The following STK33 variants were observed in gnomAD, a reference collection of about 807,000 sequenced individuals.
STK33 encodes the protein serine/threonine kinase 33.
Under a neutral mutation model 58.0 loss-of-function variants are expected in STK33, and 52 were observed. The ratio of observed to expected loss-of-function variants is 0.90; its 90% CI spans 0.72 to 1.13. The LOEUF is 1.13. Among genes scored for constraint, STK33 ranks in the 50% most tolerant of loss-of-function variants. STK33 has a pLI of 0.00. For synonymous variants in STK33, 215 were observed against 200.1 expected (o/e 1.07, Z -0.63); for missense variants, 630 against 604.2 (o/e 1.04, Z -0.45).
At chr11:8,404,965 C>T (rs772770716) in intron 15 of STK33, among the ~76,000 whole-genome samples, 1 of 152,202 alleles carries the variant, frequency 6.6e-6, no homozygotes, top group East Asian at 1.9e-4. Context: ...ACAGTAAAAC[C>T]CCATCTCTAT....
At chr11:8,517,163 T>C (rs910397496) in intron 1 of STK33, among the ~76,000 whole-genome samples, 2 of 152,176 alleles carry the variant, frequency 1.3e-5, no homozygotes, top group Admixed American at 6.5e-5. Flanking sequence ...CAGCAACATC[T>C]GCCATTCTGC....
At chr11:8,442,676 G>A (rs1270363905) in intron 11 of STK33, among the ~76,000 whole-genome samples, 2 of 152,128 alleles carry the variant, frequency 1.3e-5, no homozygotes, top group South Asian at 2.1e-4. Flanking sequence ...CCAACAGGGG[G>A]ATATGAACAG....
At chr11:8,375,075 T>A in the STK33 span, among the ~76,000 whole-genome samples, 7,434 of 152,322 alleles carry the variant, frequency 0.049, 244 homozygotes, top group Non-Finnish European at 0.07. Context: ...TCCTAAACAG[T>A]CTGGCAGCAC....
Position 8,474,960 on chromosome 11 carries a change from G to C in STK33, c.-55C>G, listed in dbSNP as rs1057274212. The stretch of plus-strand genomic sequence containing the variant: ...AAAAATGTTTCCACTGTTTGAGGAA[G>C]AAAACCAGGCCAAAAAGGATAAGGT... On this transcript the variant is annotated 5_prime_UTR_variant, in exon 5 of 16. Transcript: ENST00000687296. The C allele has an allele frequency of 4.8e-5, 72 of 1,495,538 alleles. 1 individual carries two copies. The highest frequency in any genetic ancestry group is 5.7e-5 in the Non-Finnish European group (64 of 1,115,124). The allele number at this position is 1,495,538 out of a possible 1,614,324, so 92.6% of individuals were successfully genotyped here. A position where few individuals can be genotyped will look rare whatever the true frequency, so the allele number is the denominator to read the frequency against.
chr11:8,445,632 G>C (rs1009865328), intron 11 of STK33, among the ~76,000 whole-genome samples: 3 of 129,806 alleles, frequency 2.3e-5, no homozygotes, highest in Admixed American at 7.1e-5. Context: ...CATCTATTGA[G>C]ATAATCATGT....
the STK33 span, among the ~76,000 whole-genome samples, chr11:8,335,733 C>T: frequency 6.6e-6 from 1 of 152,220 alleles, no homozygotes; most frequent in Non-Finnish European, 1.5e-5. Context: ...AATATTATTA[C>T]TGGGTTTATA....
chr11:8,365,814 G>C, the STK33 span, among the ~76,000 whole-genome samples: 3 of 151,900 alleles, frequency 2.0e-5, no homozygotes, highest in Non-Finnish European at 2.9e-5. Flanking sequence ...CTGGGCACCT[G>C]GCCAAGCCCC....
At chr11:8,368,782 TTACC>T in the STK33 span, among the ~76,000 whole-genome samples, 7 of 146,162 alleles carry the variant, frequency 4.8e-5, no homozygotes, top group African/African-American at 1.9e-4. Context: ...CCAAAATAAC[TTACC>T]GCATTTCCCC....
the STK33 span, among the ~76,000 whole-genome samples, chr11:8,370,761 C>T: frequency 2.0e-5 from 3 of 152,236 alleles, no homozygotes; most frequent in South Asian, 6.2e-4. Flanking sequence ...ACACCCTCAG[C>T]CACCCAAGGC....
chr11:8,499,451 G>A (rs1951334456), intron 1 of STK33, among the ~76,000 whole-genome samples: 1 of 152,156 alleles, frequency 6.6e-6, no homozygotes, highest in Non-Finnish European at 1.5e-5. Context: ...GGAGAAATAG[G>A]AGCGCTGTTA....
chr11:8,493,040 A>G (rs1165040738), intron 1 of STK33, among the ~76,000 whole-genome samples: 4 of 152,218 alleles, frequency 2.6e-5, no homozygotes, highest in Non-Finnish European at 4.4e-5. Flanking sequence ...TAAAAGAACT[A>G]GAGAAGCAAG....
chr11:8,335,950 G>C, the STK33 span, among the ~76,000 whole-genome samples: 1 of 152,162 alleles, frequency 6.6e-6, no homozygotes, highest in East Asian at 1.9e-4. Flanking sequence ...CAGCATGCTG[G>C]GTCTACAGAG....
At chr11:8,439,802 C>T (rs1944491906) in intron 12 of STK33, among the ~76,000 whole-genome samples, 2 of 146,786 alleles carry the variant, frequency 1.4e-5, no homozygotes, top group South Asian at 4.4e-4. Context: ...TGCCAAGATG[C>T]TCTGACACTT....
At chr11:8,394,974 C>A (rs926961154) in intron 15 of STK33, among the ~76,000 whole-genome samples, 1 of 152,102 alleles carries the variant, frequency 6.6e-6, no homozygotes, top group Non-Finnish European at 1.5e-5. Flanking sequence ...AGCTCTGCCC[C>A]CAAAGACAAC....
chr11:8,349,349 C>T, the STK33 span, among the ~76,000 whole-genome samples: 1 of 152,164 alleles, frequency 6.6e-6, no homozygotes, highest in Admixed American at 6.5e-5. Context: ...CCTTTGTGCC[C>T]TGAAGCCTTT....
the STK33 span, among the ~76,000 whole-genome samples, chr11:8,382,067 C>G: frequency 6.6e-6 from 1 of 152,140 alleles, no homozygotes; most frequent in Non-Finnish European, 1.5e-5. Context: ...TCGCCCCCAC[C>G]CCCACATCCT....
At chr11:8,380,743 C>A in the STK33 span, among the ~76,000 whole-genome samples, 7,237 of 152,052 alleles carry the variant, frequency 0.048, 250 homozygotes, top group Non-Finnish European at 0.065. Flanking sequence ...GGTATCTACC[C>A]AAAGGAAAAT....
chr11:8,492,861 G>A (rs1017659228), intron 1 of STK33, among the ~76,000 whole-genome samples: 5 of 152,258 alleles, frequency 3.3e-5, no homozygotes, highest in Non-Finnish European at 5.9e-5. Context: ...GGTAAATAAC[G>A]AAATGAAGGC....
At chr11:8,341,209 G>A in the STK33 span, among the ~76,000 whole-genome samples, 2 of 152,214 alleles carry the variant, frequency 1.3e-5, no homozygotes, top group East Asian at 3.8e-4. Context: ...CTAGGAGTTA[G>A]GGCAAAGTAC....
Sources: allele counts gnomAD v4.1 joint callset (sites outside exome capture counted in the v4.1 genomes callset), GRCh38; gene constraint gnomAD v4.1.1; transcripts MANE v1.5; gene names NCBI Gene and HGNC (gene_info 2026-07-23, HGNC 2026-07-21).